NEGR1: variants seen among roughly 807,000 people sequenced by gnomAD.
The protein encoded by NEGR1 is IgLON family member 4.
Under a neutral mutation model 40.9 loss-of-function variants are expected in NEGR1, and 10 were observed. The ratio of observed to expected loss-of-function variants is 0.24; its 90% CI spans 0.15 to 0.42. The LOEUF is 0.42. Among genes scored for constraint, NEGR1 ranks in the 10% least tolerant of loss-of-function variants. The pLI, the probability that NEGR1 is intolerant of heterozygous loss-of-function variation, is 1.00. For missense variants in NEGR1, 352 were observed against 438.9 expected (o/e 0.80, Z 1.77); for synonymous variants, 185 against 166.8 (o/e 1.11, Z -0.84).
intron 6 of NEGR1, among the ~76,000 whole-genome samples, chr1:71,572,805 A>G (rs1461252571): frequency 2.0e-5 from 3 of 152,226 alleles, no homozygotes; most frequent in African/African-American, 7.2e-5. Flanking sequence ...CTGAATAAAC[A>G]TAGCACCTCG....
intron 1 of NEGR1, among the ~76,000 whole-genome samples, chr1:72,046,395 A>C (rs867505414): frequency 1.3e-5 from 2 of 151,664 alleles, no homozygotes; most frequent in Non-Finnish European, 3.0e-5. Flanking sequence ...AAGTATACAA[A>C]GAAAAATAAA....
chr1:71,887,342 A>G (rs2101849590), intron 2 of NEGR1, among the ~76,000 whole-genome samples: 1 of 152,274 alleles, frequency 6.6e-6, no homozygotes, highest in Non-Finnish European at 1.5e-5. Flanking sequence ...TATGTTGTTC[A>G]AGGGTCAACT....
Position 72,133,284 on chromosome 1 carries a change from T to C in NEGR1, c.176+149035A>G, listed in dbSNP as rs188665434. On this transcript the variant is annotated intron_variant, in intron 1 of 6. Transcript: ENST00000357731. ...TAGAAACAAAATCTTTTGATATGCA[T>C]TGGTGAATTGCTAAATTTACTTTGT... Among the ~76,000 whole-genome samples the C allele has an allele frequency of 4.9e-3, 741 of 152,214 alleles. 5 individuals carry two copies. The highest frequency in any genetic ancestry group is 0.017 in the African/African-American group (706 of 41,574).
At chr1:71,475,782 A>G (rs1646815725) in intron 6 of NEGR1, among the ~76,000 whole-genome samples, 1 of 152,002 alleles carries the variant, frequency 6.6e-6, no homozygotes, top group Admixed American at 6.6e-5. Flanking sequence ...AACAGCTTAT[A>G]TTCCTTCTTT....
chr1:71,651,631 C>T (rs917932346), intron 4 of NEGR1, among the ~76,000 whole-genome samples: 1 of 152,064 alleles, frequency 6.6e-6, no homozygotes, highest in Non-Finnish European at 1.5e-5. Context: ...TCTGATCCCC[C>T]AATCATATGT....
At chr1:71,928,051 T>C (rs866376028) in intron 2 of NEGR1, among the ~76,000 whole-genome samples, 2 of 74,970 alleles carry the variant, frequency 2.7e-5, no homozygotes, top group Non-Finnish European at 5.3e-5. Context: ...CACACACACG[T>C]ATATATATAC....
Position 72,177,251 on chromosome 1 carries a change from G to A in NEGR1, c.176+105068C>T, listed in dbSNP as rs1040342500. Among the ~76,000 whole-genome samples, 34 of 152,150 alleles carry A rather than the reference G, an allele frequency of 2.2e-4. No individual in the cohort carries two copies. The East Asian group carries it at 3.3e-3, about 15-fold the overall frequency. ...TACTCATGGTATATTTTTAGCAACC[G>A]ACAGAGTAAGGATTCAAAGCCAGGC... On this transcript the variant is annotated intron_variant, in intron 1 of 6. Coordinates refer to ENST00000357731, the MANE Select transcript of NEGR1 (RefSeq NM_173808.3).
intron 3 of NEGR1, among the ~76,000 whole-genome samples, chr1:71,707,197 T>C (rs1379265644): frequency 1.3e-5 from 2 of 152,084 alleles, no homozygotes; most frequent in African/African-American, 4.8e-5. Context: ...AGTGGGCTCT[T>C]GGGCTCTCTG....
At chr1:72,191,942 C>A (rs1652834335) in intron 1 of NEGR1, among the ~76,000 whole-genome samples, 1 of 151,770 alleles carries the variant, frequency 6.6e-6, no homozygotes, top group Non-Finnish European at 1.5e-5. Flanking sequence ...CTAAGGTAAC[C>A]CAGGCAATTC....
intron 1 of NEGR1, among the ~76,000 whole-genome samples, chr1:72,154,112 G>C (rs893828842): frequency 6.6e-6 from 1 of 151,812 alleles, no homozygotes; most frequent in Non-Finnish European, 1.5e-5. Flanking sequence ...ATTTGGGCCT[G>C]AGAGACAATT....
At chr1:71,657,022 C>T (rs1458506793) in intron 4 of NEGR1, among the ~76,000 whole-genome samples, 2 of 152,122 alleles carry the variant, frequency 1.3e-5, no homozygotes, top group African/African-American at 4.8e-5. Context: ...GGATTTGTCA[C>T]ATGGAATAAA....
Position 71,902,998 on chromosome 1 carries a change from G to C in NEGR1, c.409+32081C>G, listed in dbSNP as rs374650624. Among the ~76,000 whole-genome samples the C allele has an allele frequency of 3.6e-4, 54 of 151,868 alleles. 1 individual carries two copies. The South Asian group carries it at 0.011, about 31-fold the overall frequency. On this transcript the variant is annotated intron_variant, in intron 2 of 6. Coordinates refer to ENST00000357731, the MANE Select transcript of NEGR1 (RefSeq NM_173808.3). ...GAATATGCCAATGATTTATTGAAAT[G>C]CTATTAACCCTCTTTTATTAATTTC...
intron 1 of NEGR1, among the ~76,000 whole-genome samples, chr1:72,262,542 A>T (rs1175854590): frequency 6.6e-6 from 1 of 151,972 alleles, no homozygotes; most frequent in East Asian, 1.9e-4. Flanking sequence ...TGTTTTTTCT[A>T]GTGGATCTCA....
chr1:72,071,624 T>C (rs1647465190), intron 1 of NEGR1, among the ~76,000 whole-genome samples: 1 of 152,058 alleles, frequency 6.6e-6, no homozygotes, highest in Non-Finnish European at 1.5e-5. Context: ...TATCATCCAC[T>C]CAAAAAAGAC....
chr1:72,152,466 C>G (rs563181187), intron 1 of NEGR1, among the ~76,000 whole-genome samples: 9 of 151,722 alleles, frequency 5.9e-5, no homozygotes, highest in Non-Finnish European at 1.2e-4. Context: ...AATAAAAAGT[C>G]AAAAAACAAG....
chr1:71,832,835 C>G (rs918784161), intron 2 of NEGR1, among the ~76,000 whole-genome samples: 5 of 151,944 alleles, frequency 3.3e-5, no homozygotes, highest in Non-Finnish European at 7.4e-5. Context: ...AACAGGGAAG[C>G]CTGTTTTATA....
chr1:72,229,481 T>G (rs766926836), intron 1 of NEGR1, among the ~76,000 whole-genome samples: 28 of 149,396 alleles, frequency 1.9e-4, no homozygotes, highest in Non-Finnish European at 3.7e-4. Context: ...AAAGTTAATC[T>G]AATTTAAATA....
chr1:72,161,490 G>A (rs370057873), intron 1 of NEGR1, among the ~76,000 whole-genome samples: 85 of 152,060 alleles, frequency 5.6e-4, no homozygotes, highest in African/African-American at 2.0e-3. Context: ...AGTGAGTGGA[G>A]ACCAGAGATG....
intron 6 of NEGR1, among the ~76,000 whole-genome samples, chr1:71,441,336 C>G (rs1303093093): frequency 6.6e-6 from 1 of 152,180 alleles, no homozygotes. Context: ...TACCCTTCGC[C>G]ATGTACTTTT....
Sources: allele counts gnomAD v4.1 joint callset (sites outside exome capture counted in the v4.1 genomes callset), GRCh38; gene constraint gnomAD v4.1.1; transcripts MANE v1.5; gene names NCBI Gene and HGNC (gene_info 2026-07-23, HGNC 2026-07-21).